Variants in DNAAF11 observed in about 807,000 individuals in gnomAD.
DNAAF11 encodes dynein axonemal assembly factor 11.
In DNAAF11, 45 loss-of-function variants were observed where a neutral mutation model predicts 60.8. The observed-to-expected ratio is 0.74, with a 90% CI of 0.58 to 0.95. DNAAF11 has a LOEUF of 0.95. Ranked by LOEUF, DNAAF11 falls within the 40% of genes least tolerant of loss-of-function variation. DNAAF11 has a pLI of 0.00. For missense variants in DNAAF11, 546 were observed against 546.2 expected, an observed-to-expected ratio of 1.00 and a Z score of 0.00; for synonymous variants, 191 against 183.5, an observed-to-expected ratio of 1.04 and a Z score of -0.33.
At chr8:132,644,822 C>T (rs2130641783) in intron 3 of DNAAF11, among the ~76,000 whole-genome samples, 1 of 152,304 alleles carries the variant, frequency 6.6e-6, no homozygotes, top group Middle Eastern at 3.4e-3. Context: ...AGTAGGTAAA[C>T]AAAGCAGCCG....
At chr8:132,614,059 C>G (rs1189471684) in intron 8 of DNAAF11, among the ~76,000 whole-genome samples, 1 of 152,158 alleles carries the variant, frequency 6.6e-6, no homozygotes, top group Non-Finnish European at 1.5e-5. Flanking sequence ...GAGGAAAGAA[C>G]AAACAAAACA....
chr8:132,585,056 G>T (rs2131025385), intron 10 of DNAAF11, among the ~76,000 whole-genome samples: 1 of 152,194 alleles, frequency 6.6e-6, no homozygotes, highest in Non-Finnish European at 1.5e-5. Context: ...AGAGATTCTT[G>T]GTTATAGGCT....
the DNAAF11 span, among the ~76,000 whole-genome samples, chr8:132,699,990 A>G: frequency 6.6e-6 from 1 of 152,146 alleles, no homozygotes; most frequent in South Asian, 2.1e-4. Flanking sequence ...TCTTCAGGTT[A>G]CAAAAATGTC....
intron 5 of DNAAF11, among the ~76,000 whole-genome samples, chr8:132,627,385 T>C (rs1820381177): frequency 6.6e-6 from 1 of 152,166 alleles, no homozygotes; most frequent in Non-Finnish European, 1.5e-5. Flanking sequence ...GTGTAACTGG[T>C]TGATGAAACA....
At chr8:132,661,025 C>T (rs1366790845) in intron 2 of DNAAF11, among the ~76,000 whole-genome samples, 1 of 152,162 alleles carries the variant, frequency 6.6e-6, no homozygotes, top group Non-Finnish European at 1.5e-5. Flanking sequence ...GAGCCCAATG[C>T]CTTGCACATA....
At chr8:132,595,929 A>T (rs985040622) in intron 10 of DNAAF11, among the ~76,000 whole-genome samples, 1 of 152,142 alleles carries the variant, frequency 6.6e-6, no homozygotes, top group African/African-American at 2.4e-5. Context: ...GGTGGTGTTA[A>T]GAAACTGAAT....
At chr8:132,658,019 T>C (rs936282188) in intron 2 of DNAAF11, among the ~76,000 whole-genome samples, 1 of 152,172 alleles carries the variant, frequency 6.6e-6, no homozygotes. Context: ...CTCATTCAAT[T>C]AGTGCCTCCT....
intron 10 of DNAAF11, among the ~76,000 whole-genome samples, chr8:132,606,909 A>G (rs944431471): frequency 6.6e-6 from 1 of 152,236 alleles, no homozygotes; most frequent in Admixed American, 6.5e-5. Context: ...AAGTGTTATA[A>G]GAGTCAAAAC....
chr8:132,694,884 G>C, the DNAAF11 span, among the ~76,000 whole-genome samples: 1 of 152,208 alleles, frequency 6.6e-6, no homozygotes, highest in Non-Finnish European at 1.5e-5. Context: ...TTTAGGCAGA[G>C]AAGAGGTCTG....
At chr8:132,636,961 G>A (rs892909352) in intron 4 of DNAAF11, among the ~76,000 whole-genome samples, 14 of 152,160 alleles carry the variant, frequency 9.2e-5, no homozygotes, top group Admixed American at 7.2e-4. Context: ...TTGAACAGGC[G>A]ATGTATCCAT....
At chr8:132,669,940 C>CAAAAAAAAA (rs35402875) in intron 1 of DNAAF11, among the ~76,000 whole-genome samples, 2 of 69,786 alleles carry the variant, frequency 2.9e-5, no homozygotes, top group African/African-American at 8.0e-5. Flanking sequence ...GACTCCGTCT[C>CAAAAAAAAA]AAAAAAAAAA....
intron 7 of DNAAF11, among the ~76,000 whole-genome samples, chr8:132,621,929 C>CT (rs796897532): frequency 6.6e-6 from 1 of 152,266 alleles, no homozygotes; most frequent in African/African-American, 2.4e-5. Context: ...AGGATTGTAC[C>CT]TTCACCATGG....
At chr8:132,611,121 T>A (rs192748169) in intron 9 of DNAAF11, among the ~76,000 whole-genome samples, 173 bp downstream of exon 9, 1 of 152,288 alleles carries the variant, frequency 6.6e-6, no homozygotes, top group African/African-American at 2.4e-5. Context: ...CTCCAGCTCC[T>A]GACCTCAGGT....
rs112065031 is a variant in DNAAF11 at position 132,615,506 on chromosome 8, T to TAA, written c.915-410_915-409insTT. 4.2e-3 allele frequency among the ~76,000 whole-genome samples: 643 copies of TAA among 152,328 alleles called. 9 individuals are homozygous for TAA. The highest frequency in any genetic ancestry group is 0.015 in the African/African-American group (607 of 41,572). The stretch of plus-strand genomic sequence containing the variant: ...ATCCTGCATTCTATTCCTTAAGTTT[T>TAA]AGAGTCCTGTCTTCCTTCTTTTTTC... On this transcript the variant is annotated intron_variant, in intron 7 of 11. Coordinates refer to ENST00000620350, the MANE Select transcript of DNAAF11 (RefSeq NM_012472.6).
chr8:132,693,409 G>C, the DNAAF11 span, among the ~76,000 whole-genome samples: 1 of 151,558 alleles, frequency 6.6e-6, no homozygotes, highest in Non-Finnish European at 1.5e-5. Context: ...ATGTATGTAA[G>C]TATATAAAAA....
At chr8:132,592,966 T>A (rs1024285975) in intron 10 of DNAAF11, among the ~76,000 whole-genome samples, 3 of 151,932 alleles carry the variant, frequency 2.0e-5, no homozygotes, top group Non-Finnish European at 4.4e-5. Flanking sequence ...AAGTCCGTCA[T>A]ATTTAGGAAG....
At chr8:132,647,114 T>G (rs1047233503) in intron 3 of DNAAF11, among the ~76,000 whole-genome samples, 1 of 152,074 alleles carries the variant, frequency 6.6e-6, no homozygotes. Context: ...CCTCAGCAAA[T>G]GTAAAAGAAC....
At chr8:132,666,682 G>A (rs1824665722) in intron 1 of DNAAF11, among the ~76,000 whole-genome samples, 1 of 152,218 alleles carries the variant, frequency 6.6e-6, no homozygotes, top group South Asian at 2.1e-4. Flanking sequence ...ACAGCACAGT[G>A]CAAAGGCCAG....
the DNAAF11 span, among the ~76,000 whole-genome samples, chr8:132,682,479 T>C: frequency 6.6e-6 from 1 of 152,198 alleles, no homozygotes; most frequent in African/African-American, 2.4e-5. Flanking sequence ...ATCCAGCTGA[T>C]CCCTGCTAGT....
Sources: gnomAD v4.1 joint callset for allele counts (sites outside exome capture counted in the v4.1 genomes callset) on GRCh38, gnomAD v4.1.1 for gene constraint, MANE v1.5 for transcripts, NCBI Gene and HGNC (gene_info 2026-07-23, HGNC 2026-07-21) for gene names.